LPA: variants seen among roughly 807,000 people sequenced by gnomAD.
LPA encodes apolipoprotein(a).
LPA carries 199 observed loss-of-function variants against 197.9 expected under a neutral mutation model. The observed-to-expected ratio is 1.01, with a 90% CI of 0.90 to 1.13. The LOEUF is 1.13. Ranked by LOEUF, LPA falls within the 50% of genes most tolerant of loss-of-function variation. The pLI, the probability that LPA is intolerant of heterozygous loss-of-function variation, is 0.00. For synonymous variants in LPA, 715 were observed against 639.5 expected, an observed-to-expected ratio of 1.12 and a Z score of -1.78; for missense variants, 1,853 against 1,785.8, an observed-to-expected ratio of 1.04 and a Z score of -0.68.
At chr6:160,565,518 C>T (rs1219352999) in intron 28 of LPA, among the ~76,000 whole-genome samples, 2 of 152,194 alleles carry the variant, frequency 1.3e-5, no homozygotes, top group African/African-American at 2.4e-5. Flanking sequence ...AAAACCCCAT[C>T]TGTACATCAC....
intron 28 of LPA, among the ~76,000 whole-genome samples, chr6:160,566,536 C>T (rs1292484536): frequency 1.3e-5 from 2 of 152,196 alleles, no homozygotes; most frequent in African/African-American, 4.8e-5. Context: ...ACTGCACAAA[C>T]ATGCCAAATT....
chr6:160,553,154 G>T (rs769495716), intron 30 of LPA, among the ~76,000 whole-genome samples: 3 of 152,014 alleles, frequency 2.0e-5, no homozygotes, highest in Non-Finnish European at 2.9e-5. Flanking sequence ...TACTACATAC[G>T]TTGAAACAAC....
chr6:160,535,544 GGTA>G (rs796359560), intron 37 of LPA, among the ~76,000 whole-genome samples: 5 of 298 alleles, frequency 0.017, no homozygotes, highest in Non-Finnish European at 0.021. Flanking sequence ...TGGTGATGGT[GGTA>G]GTAGTGGTAG....
rs1583590589 is a variant in LPA at position 160,576,396 on chromosome 6, A to ATATACATATATATATATATATATGTG, written c.4631+739_4631+740insCACATATATATATATATATATGTATA. Reference sequence around the variant, plus strand: ...TATATATATATATATATATGTATATATATATATATATATATATATGGGTAT... The same window carrying ATATACATATATATATATATATATGTG: ...TATATATATATATATATATGTATATATATACATATATATATATATATATGTGTATATATATATATATATATGGGTAT... On this transcript the variant is annotated intron_variant, in intron 28 of 38. Transcript: ENST00000316300. Among the ~76,000 whole-genome samples the ATATACATATATATATATATATATGTG allele has an allele frequency of 5.3e-4, 25 of 46,916 alleles. 1 individual carries two copies. In the South Asian group the frequency reaches 0.011, roughly 21 times the overall value. 30.8% of individuals were successfully genotyped at this position (46,916 alleles called of 152,430 possible).
chr6:160,537,955 G>A lies in LPA; in HGVS notation c.5742C>T (p.Ala1914=), dbSNP rs367594522. The A allele has an allele frequency of 7.7e-5, 124 of 1,613,936 alleles. No homozygotes were observed. The highest frequency in any genetic ancestry group is 3.3e-4 in the Admixed American group (20 of 60,008). Residue 1914 remains alanine, a synonymous_variant, in exon 37 of 39, where the codon GCC becomes GCT. Transcript: ENST00000316300. ...CTGGCATTACTTTGTCAGTGATGAC[G>A]GCAGGCCTGTAAGGAAAGTATTAGC... ...DIALLKLSRP[A]VITDKVMPAC...
At chr6:160,553,195 C>T (rs948358886) in intron 30 of LPA, among the ~76,000 whole-genome samples, 1 of 152,098 alleles carries the variant, frequency 6.6e-6, no homozygotes, top group Admixed American at 6.5e-5. Flanking sequence ...ATTAATATCA[C>T]AAATTGTCCT....
chr6:160,592,775 C>T (rs545500559), intron 22 of LPA, among the ~76,000 whole-genome samples: 1 of 152,232 alleles, frequency 6.6e-6, no homozygotes, highest in African/African-American at 2.4e-5. Context: ...TTTCTGGAGT[C>T]ACCTTATTTC....
intron 22 of LPA, among the ~76,000 whole-genome samples, chr6:160,591,351 A>C (rs1328723034): frequency 6.6e-6 from 1 of 152,210 alleles, no homozygotes; most frequent in African/African-American, 2.4e-5. Context: ...AGAAAACATC[A>C]ATGTGTACAA....
intron 24 of LPA, among the ~76,000 whole-genome samples, chr6:160,588,584 G>A (rs1346821924): frequency 1.3e-5 from 2 of 152,132 alleles, no homozygotes; most frequent in Admixed American, 1.3e-4. Context: ...CTCTCCCTGT[G>A]CATACGCAGC....
chr6:160,547,139 T>C (rs1778085186), intron 32 of LPA, among the ~76,000 whole-genome samples: 2 of 152,124 alleles, frequency 1.3e-5, no homozygotes, highest in South Asian at 2.1e-4. Flanking sequence ...TATTATTACA[T>C]TGTAATATAT....
At chr6:160,654,007 A>G (rs1360551641) in intron 1 of LPA, among the ~76,000 whole-genome samples, 2 of 8,036 alleles carry the variant, frequency 2.5e-4, no homozygotes, top group African/African-American at 1.1e-3. Context: ...TATATATAAT[A>G]TATATTATAT....
rs1388400117 is a variant in LPA at position 160,656,702 on chromosome 6, G to A, written c.50-6205C>T. ...GAAAGAGTAACAGCATAAGTTGTCAGTAGCCTAGTGGTGTCCTTCCTCAAG... is the reference window on the plus strand; with the variant it reads ...GAAAGAGTAACAGCATAAGTTGTCAATAGCCTAGTGGTGTCCTTCCTCAAG... On this transcript the variant is annotated intron_variant, in intron 1 of 38. Coordinates refer to ENST00000316300, the MANE Select transcript of LPA (RefSeq NM_005577.4). Among the ~76,000 whole-genome samples the A allele has an allele frequency of 2.0e-5, 3 of 152,306 alleles. No individual in the cohort carries two copies. In the South Asian group the frequency reaches 6.2e-4, roughly 32 times the overall value.
chr6:160,611,110 G>T (rs753031110), intron 16 of LPA, among the ~76,000 whole-genome samples: 4 of 152,076 alleles, frequency 2.6e-5, no homozygotes, highest in Non-Finnish European at 5.9e-5. Context: ...TGGAATACAG[G>T]TAGAAATAGA....
intron 2 of LPA, among the ~76,000 whole-genome samples, chr6:160,648,823 T>A (rs1211144043): frequency 1.3e-5 from 2 of 152,198 alleles, no homozygotes. Context: ...TTTTCTTAAA[T>A]CCTAGAACTC....
intron 16 of LPA, among the ~76,000 whole-genome samples, chr6:160,611,267 T>A (rs1364757481): frequency 6.6e-6 from 1 of 152,172 alleles, no homozygotes; most frequent in South Asian, 2.1e-4. Context: ...GCTTAGTGGG[T>A]GTTGGGCAAG....
At chr6:160,571,918 G>C (rs1294000084) in intron 28 of LPA, among the ~76,000 whole-genome samples, 1 of 151,998 alleles carries the variant, frequency 6.6e-6, no homozygotes, top group Non-Finnish European at 1.5e-5. Flanking sequence ...GGACCACTGG[G>C]GTATGAAAAA....
At chr6:160,554,919 T>G (rs1486693412) in intron 30 of LPA, among the ~76,000 whole-genome samples, 2 of 152,128 alleles carry the variant, frequency 1.3e-5, no homozygotes, top group East Asian at 3.9e-4. Context: ...TCCAGGAAGG[T>G]TCTCCAGGAA....
intron 2 of LPA, 77 bp downstream of exon 2, chr6:160,650,261 G>A: frequency 6.8e-7 from 1 of 1,462,458 alleles, no homozygotes; most frequent in Non-Finnish European, 9.6e-7. Context: ...ATCATAAGAA[G>A]TTAGCTTGAC....
In LPA at chr6:160,585,097, G is replaced by A. The variant is rs759479249; in HGVS notation, c.4238C>T (p.Ser1413Leu). ...CCGATGCCAATGTGGTGTCATAGAC[G>A]ACCAAGACTGACATGTTCTTCCTGT... The part of the protein sequence containing the change: ...TITGRTCQSW[S>L]SMTPHWHRRI... The change falls in exon 26 of 39, where the codon TCG becomes TTG. Residue 1413 changes from serine (S) to leucine (L), a missense_variant. Coordinates refer to ENST00000316300, the MANE Select transcript of LPA (RefSeq NM_005577.4). The A allele has an allele frequency of 5.6e-6, 9 of 1,613,638 alleles. No individual in the cohort carries two copies. Among genetic ancestry groups the A allele is most frequent in the African/African-American group, 5.3e-5 (4 of 74,868 alleles).
Sources: gnomAD v4.1 joint callset for allele counts (sites outside exome capture counted in the v4.1 genomes callset) on GRCh38, gnomAD v4.1.1 for gene constraint, MANE v1.5 for transcripts, NCBI Gene and HGNC (gene_info 2026-07-23, HGNC 2026-07-21) for gene names.